The following TULP4 variants were observed in gnomAD, a reference collection of about 807,000 sequenced individuals.
The protein encoded by TULP4 is tubby-related protein 4.
Under a neutral mutation model 129.0 loss-of-function variants are expected in TULP4, and 16 were observed. The ratio of observed to expected loss-of-function variants is 0.12; its 90% CI spans 0.08 to 0.19. The LOEUF (loss-of-function observed/expected upper bound fraction) is 0.19. TULP4 is among the 10% of genes least tolerant of loss of function. The pLI, the probability that TULP4 is intolerant of heterozygous loss-of-function variation, is 1.00. For missense variants in TULP4, 1,842 were observed against 2,059.1 expected (o/e 0.89, Z 2.04); for synonymous variants, 998 against 854.0 (o/e 1.17, Z -2.94).
At position 158,452,119 on chromosome 6, in the gene TULP4, C is replaced by T; in HGVS notation, c.725-15C>T. The T allele has an allele frequency of 6.2e-7, 1 of 1,612,872 alleles. No homozygotes were observed. The highest frequency in any genetic ancestry group is 1.1e-5 in the South Asian group (1 of 90,808). ...GTGCTTCCCTCCTTTTCACTTGGCA[C>T]TTGTGTTCCTGCAGATGGTCCGGCA... On this transcript the variant is annotated splice_polypyrimidine_tract_variant and intron_variant, in intron 4 of 13. Transcript: ENST00000367097.
At chr6:158,312,439 G>A (rs1161087429), upstream of TULP4, 1 of 245,160 alleles carries the variant, frequency 4.1e-6, no homozygotes, top group South Asian at 1.8e-4. Flanking sequence ...TAAGTGAGAA[G>A]GTGACTGAGA....
intron 3 of TULP4, among the ~76,000 whole-genome samples, chr6:158,447,863 G>T (rs1315124607): frequency 6.6e-6 from 1 of 152,196 alleles, no homozygotes; most frequent in East Asian, 1.9e-4. Flanking sequence ...TTGCATGATT[G>T]TTGCAATGAG....
rs1328727701 is a variant in TULP4, at chr6:158,462,841, C to G, written c.1026+1112C>G. On this transcript the variant is annotated intron_variant, in intron 6 of 13. Transcript: ENST00000367097. ...CTCGGCTCACTGCAACCTCCTCCTC[C>G]CGGGTTCAAGCAATTCTCCTGCCTC... is the stretch of plus-strand genomic sequence containing the variant. Among the ~76,000 whole-genome samples, 4 of 151,000 alleles carry G rather than the reference C, an allele frequency of 2.6e-5. No individual in the cohort carries two copies. In the East Asian group the frequency reaches 7.8e-4, roughly 29 times the overall value.
At chr6:158,489,074 A>G (rs938295390) in intron 8 of TULP4, among the ~76,000 whole-genome samples, 6 of 152,132 alleles carry the variant, frequency 3.9e-5, no homozygotes, top group African/African-American at 1.4e-4. Context: ...CCCCCGCCGC[A>G]AGACCTGTGG....
At chr6:158,336,208 A>G (rs1184392655) in intron 1 of TULP4, among the ~76,000 whole-genome samples, 1 of 152,198 alleles carries the variant, frequency 6.6e-6, no homozygotes, top group African/African-American at 2.4e-5. Flanking sequence ...CATATTTTCA[A>G]ACATTTAAGG....
chr6:158,442,235 T>C (rs1480824811), intron 3 of TULP4, among the ~76,000 whole-genome samples: 1 of 152,178 alleles, frequency 6.6e-6, no homozygotes, highest in Admixed American at 6.5e-5. Flanking sequence ...AGCTCATTTG[T>C]TGAGAAGTTT....
At chr6:158,446,401 G>T (rs1232457725) in intron 3 of TULP4, among the ~76,000 whole-genome samples, 2 of 152,038 alleles carry the variant, frequency 1.3e-5, no homozygotes, top group African/African-American at 2.4e-5. Flanking sequence ...TGCCCTTTTT[G>T]TTCTGTTTTT....
chr6:158,357,620 G>A (rs939261992), intron 1 of TULP4, among the ~76,000 whole-genome samples: 5 of 152,192 alleles, frequency 3.3e-5, no homozygotes, highest in Non-Finnish European at 7.3e-5. Context: ...TTGCTCTGAT[G>A]TTATACCCAG....
intron 1 of TULP4, among the ~76,000 whole-genome samples, chr6:158,370,496 G>T (rs1198953022): frequency 2.0e-5 from 3 of 146,990 alleles, no homozygotes; most frequent in African/African-American, 7.6e-5. Context: ...TTGTGGCACT[G>T]CACTCCAGCC....
intron 2 of TULP4, among the ~76,000 whole-genome samples, chr6:158,416,166 C>T (rs939141430): frequency 5.9e-5 from 9 of 152,212 alleles, no homozygotes; most frequent in South Asian, 2.1e-4. Flanking sequence ...ATTCTAGCTG[C>T]GCTGGCAGCT....
At chr6:158,453,850 G>C (rs1032524081) in intron 5 of TULP4, among the ~76,000 whole-genome samples, 1 of 151,314 alleles carries the variant, frequency 6.6e-6, no homozygotes, top group African/African-American at 2.4e-5. Context: ...CTACTTGGGA[G>C]GCTGAGGCAG....
At chr6:158,395,281 T>G (rs1398266380) in intron 1 of TULP4, among the ~76,000 whole-genome samples, 1 of 151,940 alleles carries the variant, frequency 6.6e-6, no homozygotes, top group Non-Finnish European at 1.5e-5. Flanking sequence ...TCACTGTCAG[T>G]AGAAGTATGG....
intron 5 of TULP4, among the ~76,000 whole-genome samples, chr6:158,458,042 G>A (rs553923450): frequency 5.3e-5 from 8 of 152,126 alleles, no homozygotes; most frequent in Non-Finnish European, 1.2e-4. Context: ...CAACATGCAT[G>A]TCTAATGACT....
chr6:158,499,418 A>G (rs980513518), intron 12 of TULP4, among the ~76,000 whole-genome samples: 1 of 152,228 alleles, frequency 6.6e-6, no homozygotes, highest in Admixed American at 6.5e-5. Context: ...TTCAAATGGT[A>G]AATATCAATA....
chr6:158,492,541 A>G (rs1194732581), intron 9 of TULP4, among the ~76,000 whole-genome samples: 3 of 152,198 alleles, frequency 2.0e-5, no homozygotes, highest in Non-Finnish European at 4.4e-5. Context: ...CAGAGAGGAC[A>G]TCTAATGCAT....
rs753812170 is a variant in TULP4, at chr6:158,502,638, G to A, written c.2975G>A (p.Arg992His). Residue 992 changes from arginine to histidine, a missense_variant, in exon 13 of 14, where the codon CGT becomes CAT. Arg to His is a conservative substitution (Grantham distance 29). Transcript: ENST00000367097. ...CACGCTACCCTGCGGAGGAACAACC[G>A]TGAGGCTACGCTCAAGATGGCCCAG... ...LIHATLRRNNREATLKMAQLA... is the reference protein window; with the variant it reads ...LIHATLRRNNHEATLKMAQLA... The A allele has an allele frequency of 2.6e-5, 42 of 1,587,674 alleles. No individual in the cohort carries two copies. Among genetic ancestry groups the A allele is most frequent in the Non-Finnish European group, 3.2e-5 (38 of 1,172,380 alleles).
chr6:158,477,617 G>T (rs769386719), intron 6 of TULP4, among the ~76,000 whole-genome samples: 10 of 152,304 alleles, frequency 6.6e-5, no homozygotes, highest in Non-Finnish European at 1.0e-4. Context: ...AAGAATAATA[G>T]ATGTCGGCAT....
At chr6:158,498,867 C>A in intron 12 of TULP4, 55 bp downstream of exon 12, 1 of 1,596,778 alleles carries the variant, frequency 6.3e-7, no homozygotes, top group Non-Finnish European at 8.6e-7. Context: ...GTAGATCATG[C>A]AAGGGGGACA....
At chr6:158,276,821 T>C (rs542695984) in intron 1 of TULP4, among the ~76,000 whole-genome samples, 1 of 152,164 alleles carries the variant, frequency 6.6e-6, no homozygotes, top group Non-Finnish European at 1.5e-5. Context: ...GTATATTTGC[T>C]AATAATAATA....
Sources: gnomAD v4.1 joint callset for allele counts (sites outside exome capture counted in the v4.1 genomes callset) on GRCh38, gnomAD v4.1.1 for gene constraint, MANE v1.5 for transcripts, NCBI Gene and HGNC (gene_info 2026-07-23, HGNC 2026-07-21) for gene names.